The following DNAH8 variants were observed in gnomAD, a reference collection of about 807,000 sequenced individuals.
DNAH8 encodes dynein axonemal heavy chain 8, also known as axonemal beta dynein heavy chain 8.
In DNAH8, 382 loss-of-function variants were observed where a neutral mutation model predicts 562.1. That is an observed-to-expected ratio of 0.68 (90% CI 0.63 to 0.74). The LOEUF is 0.74. Among genes scored for constraint, DNAH8 ranks in the 30% least tolerant of loss-of-function variants. The pLI, the probability that DNAH8 is intolerant of heterozygous loss-of-function variation, is 0.00. For missense variants in DNAH8, 5,203 were observed against 5,620.4 expected (o/e 0.93, Z 2.37); for synonymous variants, 1,881 against 1,919.4 (o/e 0.98, Z 0.52).
intron 86 of DNAH8, 108 bp from the exon 87 acceptor site, chr6:38,984,098 C>G (rs1476128771): frequency 9.7e-6 from 6 of 617,902 alleles, no homozygotes; most frequent in African/African-American, 3.7e-5. Context: ...AAATGTGAGT[C>G]TAGTGAGTGC....
At chr6:38,716,015 G>C (rs1762315274) in intron 1 of DNAH8, among the ~76,000 whole-genome samples, 1 of 134,668 alleles carries the variant, frequency 7.4e-6, no homozygotes, top group African/African-American at 3.0e-5. Context: ...CTGGAGTGCA[G>C]TGGTGCGATC....
At chr6:38,725,365 G>A (rs1473781904) in intron 3 of DNAH8, among the ~76,000 whole-genome samples, 1 of 146,514 alleles carries the variant, frequency 6.8e-6, no homozygotes, top group East Asian at 2.0e-4. Flanking sequence ...TTGATACAGT[G>A]CATTGCTAAA....
At position 38,719,284 on chromosome 6, in the gene DNAH8, G is replaced by A. The variant is rs565265722; in HGVS notation, c.-34-3492G>A. 2.6e-5 allele frequency among the ~76,000 whole-genome samples: 4 copies of A among 152,220 alleles called. No homozygotes were observed. In the East Asian group the frequency reaches 5.8e-4, roughly 22 times the overall value. ...GATACATGTGAAGATTTCTTACAAA[G>A]GTTTATTGCATGATGCTGAGGTTTG... On this transcript the variant is annotated intron_variant, in intron 1 of 92. Coordinates refer to ENST00000327475, the MANE Select transcript of DNAH8 (RefSeq NM_001206927.2).
intron 84 of DNAH8, 120 bp downstream of exon 84, chr6:38,973,933 C>A: frequency 1.5e-6 from 1 of 668,494 alleles, no homozygotes; most frequent in Non-Finnish European, 2.5e-6. Flanking sequence ...ACTGCAAGAT[C>A]TTATACTATA....
chr6:38,917,388 A>G lies in DNAH8; in HGVS notation c.10290A>G (p.Ser3430=), dbSNP rs140024206. 2.0e-4 allele frequency: 323 copies of G among 1,613,296 alleles called. No individual in the cohort carries two copies. In the African/African-American group the frequency reaches 4.0e-3, roughly 20 times the overall value. The change falls in exon 69 of 93, where the codon TCA becomes TCG. Residue 3430 remains serine, a synonymous_variant. Coordinates refer to ENST00000327475, the MANE Select transcript of DNAH8 (RefSeq NM_001206927.2). Reference sequence around the variant, plus strand: ...CAGAAAAATCTTGCTGTAAGCCATCATGGGGAGAGTCATTAAAGGTAAGTA... The same window carrying G: ...CAGAAAAATCTTGCTGTAAGCCATCGTGGGGAGAGTCATTAAAGGTAAGTA... The part of the protein sequence containing the change: ...MDPEKSCCKP[S]WGESLKLMSA...
chr6:39,026,487 T>C, intron 91 of DNAH8, 59 bp from the exon 92 acceptor site: 1 of 1,538,578 alleles, frequency 6.5e-7, no homozygotes, highest in Non-Finnish European at 8.8e-7. Flanking sequence ...CATTGCTTCC[T>C]TCTTGTTTTT....
intron 29 of DNAH8, among the ~76,000 whole-genome samples, 171 bp downstream of exon 29, chr6:38,826,562 G>A (rs1773340052): frequency 1.3e-5 from 2 of 152,128 alleles, no homozygotes; most frequent in Non-Finnish European, 1.5e-5. Context: ...ATTATCAACA[G>A]TGAACAGTAT....
chr6:38,808,917 A>C (rs567637545), intron 24 of DNAH8, among the ~76,000 whole-genome samples: 2 of 152,142 alleles, frequency 1.3e-5, no homozygotes, highest in South Asian at 2.1e-4. Flanking sequence ...AGGGAGGGGA[A>C]CATCACACAC....
chr6:38,941,707 C>T (rs1003314342), intron 79 of DNAH8, among the ~76,000 whole-genome samples: 18 of 152,108 alleles, frequency 1.2e-4, no homozygotes, highest in Non-Finnish European at 2.9e-5. Flanking sequence ...AATCTTTAAG[C>T]CCTCACTTGG....
chr6:38,859,240 C>G (rs1430223419), intron 42 of DNAH8, among the ~76,000 whole-genome samples: 1 of 152,184 alleles, frequency 6.6e-6, no homozygotes, highest in Non-Finnish European at 1.5e-5. Context: ...GAGAGCATCC[C>G]CATGGCCTTG....
Position 38,852,695 on chromosome 6 carries a change from C to T in DNAH8, c.5468C>T (p.Pro1823Leu), listed in dbSNP as rs201197291. 2.4e-5 allele frequency: 39 copies of T among 1,610,546 alleles called. No individual in the cohort carries two copies. Among genetic ancestry groups the T allele is most frequent in the Non-Finnish European group, 3.0e-5 (35 of 1,177,758 alleles). The change falls in exon 40 of 93, where the codon CCG (proline) becomes CTG (leucine). Residue 1823 changes from proline to leucine, a missense_variant and splice_region_variant. Physicochemically the swap from Pro to Leu is moderately conservative, Grantham distance 98. This residue lies in a region of DNAH8 where 2,176 missense variants were observed against 2,365.1 expected (regional missense o/e 0.92). Coordinates refer to ENST00000327475, the MANE Select transcript of DNAH8 (RefSeq NM_001206927.2). ...GTGACGTTTTCCTCTGTCTTACAGC[C>T]GCATCTCCCTGCAGTATCTGACAAC... ...GQASDSHTIQPHLPAVSDNIN... is the reference protein window; with the variant it reads ...GQASDSHTIQLHLPAVSDNIN...
intron 10 of DNAH8, among the ~76,000 whole-genome samples, chr6:38,758,537 T>C (rs895475882): frequency 5.9e-5 from 9 of 152,092 alleles, no homozygotes; most frequent in Non-Finnish European, 1.2e-4. Flanking sequence ...TCCTGCCCGA[T>C]TGCCCTGGCC....
rs200418777 is a variant in DNAH8, at chr6:38,874,180, TTCTC to T, written c.7620+812_7620+815del. Among the ~76,000 whole-genome samples the T allele has an allele frequency of 1.5e-3, 94 of 62,616 alleles. 16 individuals are homozygous for T. Among genetic ancestry groups the T allele is most frequent in the Middle Eastern group, 7.6e-3 (1 of 132 alleles). 41.1% of individuals were successfully genotyped at this position (62,616 alleles called of 152,430 possible). A position where few individuals can be genotyped will look rare whatever the true frequency, so the allele number is the denominator to read the frequency against. On this transcript the variant is annotated intron_variant, in intron 52 of 92. Transcript: ENST00000327475. Reference sequence around the variant, plus strand: ...CCTTCCTCCTTCTCTCTTTCTTTCTTTCTCTCTCTCTTTCTTTCTCTCTTTCTTT... The same window carrying T: ...CCTTCCTCCTTCTCTCTTTCTTTCTTTCTCTCTTTCTTTCTCTCTTTCTTT...
rs1583267887 is a variant in DNAH8 at position 38,882,943 on chromosome 6, CTTA to C, written c.7900_7902del (p.Tyr2634del). 14 of 1,600,800 alleles carry C rather than the reference CTTA, an allele frequency of 8.7e-6. No individual in the cohort carries two copies. Among genetic ancestry groups the C allele is most frequent in the Non-Finnish European group, 1.2e-5 (14 of 1,175,010 alleles). ...GAGCACTGGAATAAGAAACTTCAGCCTTATTATTATCCAACTGACAGTATTCCG... is the reference window on the plus strand; with the variant it reads ...GAGCACTGGAATAAGAAACTTCAGCCTTATTATCCAACTGACAGTATTCCG... On this transcript the variant is annotated inframe_deletion, in exon 54 of 93. Coordinates refer to ENST00000327475, the MANE Select transcript of DNAH8 (RefSeq NM_001206927.2).
intron 38 of DNAH8, among the ~76,000 whole-genome samples, chr6:38,850,625 T>C (rs1410592889): frequency 6.6e-6 from 1 of 152,244 alleles, no homozygotes; most frequent in Non-Finnish European, 1.5e-5. Context: ...CAGGCTGCTA[T>C]AACAAATTTC....
chr6:38,817,128 A>G (rs759186090), intron 26 of DNAH8, among the ~76,000 whole-genome samples: 2 of 152,212 alleles, frequency 1.3e-5, no homozygotes, highest in Non-Finnish European at 2.9e-5. Flanking sequence ...GGATCATCTT[A>G]GGTCAGGAGT....
At chr6:38,812,352 A>G (rs1361790251) in intron 24 of DNAH8, among the ~76,000 whole-genome samples, 1 of 152,224 alleles carries the variant, frequency 6.6e-6, no homozygotes, top group Non-Finnish European at 1.5e-5. Flanking sequence ...TTTTTGAAGT[A>G]TGAACTCACT....
chr6:38,722,831 G>C lies in DNAH8; in HGVS notation c.22G>C (p.Gly8Arg). MEKDAED[G>R]APSEGAEAPP... ...GGGGATGGAGAAGGATGCTGAAGAT[G>C]GCGCCCCTTCTGAGGGAGCAGAGGC... Residue 8 changes from glycine (G) to arginine (R), a missense_variant, in exon 2 of 93, where the codon GGC becomes CGC. Around this residue, in one of 6 missense-constraint regions of DNAH8, gnomAD observed 556 missense variants for 496.9 expected, o/e 1.12. Coordinates refer to ENST00000327475, the MANE Select transcript of DNAH8 (RefSeq NM_001206927.2). The C allele has an allele frequency of 6.3e-7, 1 of 1,596,554 alleles. No individual in the cohort carries two copies. The highest frequency in any genetic ancestry group is 8.5e-7 in the Non-Finnish European group (1 of 1,172,158).
At chr6:38,905,137 G>C (rs1208902861) in intron 62 of DNAH8, among the ~76,000 whole-genome samples, 2 of 152,162 alleles carry the variant, frequency 1.3e-5, no homozygotes, top group Non-Finnish European at 2.9e-5. Flanking sequence ...CAGGCCACTA[G>C]ATCTTTCTGG....
Sources: gnomAD v4.1 joint callset for allele counts (sites outside exome capture counted in the v4.1 genomes callset) on GRCh38, gnomAD v4.1.1 for gene constraint, gnomAD v4.1.1 regional missense constraint, MANE v1.5 for transcripts, NCBI Gene and HGNC (gene_info 2026-07-23, HGNC 2026-07-21) for gene names.